Variants in MEI4 observed in about 807,000 individuals in gnomAD.
The protein encoded by MEI4 is meiosis-specific protein MEI4.
Under a neutral mutation model 31.4 loss-of-function variants are expected in MEI4, and 27 were observed. The observed-to-expected ratio is 0.86, with a 90% confidence interval of 0.63 to 1.19. The LOEUF (loss-of-function observed/expected upper bound fraction) is 1.19, where lower values mean the gene tolerates loss of function less well. MEI4 is among the 50% of genes most tolerant of loss of function. The probability of loss-of-function intolerance (pLI) is 0.00; values close to 1 mark genes in which losing one functional copy is unlikely to be tolerated. For synonymous variants in MEI4, 122 were observed against 145.4 expected (o/e 0.84, Z 1.16); for missense variants, 329 against 398.9 (o/e 0.82, Z 1.49).
intron 2 of MEI4, among the ~76,000 whole-genome samples, chr6:77,739,026 T>C (rs562392072): frequency 1.3e-5 from 2 of 152,238 alleles, no homozygotes; most frequent in East Asian, 3.9e-4. Flanking sequence ...TCTCCCATTC[T>C]GTCAGTTGCC....
intron 4 of MEI4, among the ~76,000 whole-genome samples, chr6:77,879,423 GT>G (rs1280737746): frequency 6.6e-6 from 1 of 152,180 alleles, no homozygotes; most frequent in Non-Finnish European, 1.5e-5. Flanking sequence ...CATGGATGGA[GT>G]TAAACCAAAT....
At chr6:77,677,657 T>A (rs187784500) in intron 1 of MEI4, among the ~76,000 whole-genome samples, 69 of 152,278 alleles carry the variant, frequency 4.5e-4, no homozygotes, top group Admixed American at 2.9e-3. Context: ...CCTCTCCACA[T>A]GTCCTCACCT....
chr6:77,866,445 C>T (rs1442422537), intron 4 of MEI4, among the ~76,000 whole-genome samples: 2 of 149,652 alleles, frequency 1.3e-5, no homozygotes, highest in Non-Finnish European at 3.0e-5. Context: ...AACAGACAAA[C>T]AGCCGAATCA....
intron 3 of MEI4, among the ~76,000 whole-genome samples, chr6:77,784,409 G>A (rs1268852465): frequency 1.3e-5 from 2 of 152,102 alleles, no homozygotes; most frequent in Non-Finnish European, 2.9e-5. Context: ...AGCTGTTTCG[G>A]CAAATGTTGG....
chr6:77,763,933 C>T (rs1298093701), intron 3 of MEI4, among the ~76,000 whole-genome samples: 2 of 152,136 alleles, frequency 1.3e-5, no homozygotes. Flanking sequence ...CCTGCCTCAG[C>T]CTCCCTAGTA....
At chr6:77,819,386 A>C (rs1322355232) in intron 3 of MEI4, among the ~76,000 whole-genome samples, 1 of 151,934 alleles carries the variant, frequency 6.6e-6, no homozygotes, top group East Asian at 1.9e-4. Flanking sequence ...TTTTATAGAG[A>C]TAATATTTTG....
chr6:77,666,959 A>G (rs1429512943), intron 1 of MEI4, among the ~76,000 whole-genome samples: 1 of 152,022 alleles, frequency 6.6e-6, no homozygotes, highest in Non-Finnish European at 1.5e-5. Context: ...CAAGATGTCC[A>G]CATGGTAGTT....
intron 3 of MEI4, among the ~76,000 whole-genome samples, chr6:77,769,313 G>T (rs1051069986): frequency 6.6e-6 from 1 of 152,140 alleles, no homozygotes. Flanking sequence ...TTTATACTAG[G>T]CCTGTCCAGA....
At chr6:77,660,170 G>A (rs893192278) in intron 1 of MEI4, among the ~76,000 whole-genome samples, 3 of 152,116 alleles carry the variant, frequency 2.0e-5, no homozygotes, top group Non-Finnish European at 4.4e-5. Flanking sequence ...AAAGGGAAAT[G>A]CAAAGCCAGC....
At chr6:77,792,218 A>T (rs144745457) in intron 3 of MEI4, among the ~76,000 whole-genome samples, 1 of 152,258 alleles carries the variant, frequency 6.6e-6, no homozygotes, top group African/African-American at 2.4e-5. Context: ...AATTAAGTTG[A>T]TTCCATCTTT....
chr6:77,819,504 C>T (rs921774538), intron 3 of MEI4, among the ~76,000 whole-genome samples: 1 of 151,868 alleles, frequency 6.6e-6, no homozygotes, highest in Middle Eastern at 3.2e-3. Flanking sequence ...AAAAAATATC[C>T]CTAATTTACT....
Position 77,792,899 on chromosome 6 carries a change from A to C in MEI4, c.768+31234A>C, listed in dbSNP as rs188734859. On this transcript the variant is annotated intron_variant, in intron 3 of 4. Transcript: ENST00000684080. ...GGCTAATGTTTTGTATTTTTAGTAGAGACAGGGTTTCACCATGTTAGCCAG... is the reference window on the plus strand; with the variant it reads ...GGCTAATGTTTTGTATTTTTAGTAGCGACAGGGTTTCACCATGTTAGCCAG... Among the ~76,000 whole-genome samples the C allele has an allele frequency of 4.6e-3, 705 of 151,878 alleles. 5 individuals carry two copies. The highest frequency in any genetic ancestry group is 0.017 in the African/African-American group (690 of 41,398).
intron 4 of MEI4, among the ~76,000 whole-genome samples, chr6:77,914,801 G>A (rs962705464): frequency 2.0e-5 from 3 of 152,026 alleles, no homozygotes; most frequent in African/African-American, 7.2e-5. Context: ...TCTTCGTGGT[G>A]TATTGTACTT....
At chr6:77,697,462 TTG>T (rs1174680180) in intron 2 of MEI4, among the ~76,000 whole-genome samples, 2 of 152,220 alleles carry the variant, frequency 1.3e-5, no homozygotes, top group African/African-American at 2.4e-5. Context: ...TTCTGGTATG[TTG>T]TGTCTTTGTT....
At chr6:77,813,501 T>C (rs575230934) in intron 3 of MEI4, among the ~76,000 whole-genome samples, 1 of 120,782 alleles carries the variant, frequency 8.3e-6, no homozygotes, top group East Asian at 3.6e-4. Context: ...TTCAGGACAT[T>C]CTTTTTTTTT....
intron 4 of MEI4, among the ~76,000 whole-genome samples, chr6:77,867,448 C>G (rs973004120): frequency 6.6e-6 from 1 of 152,060 alleles, no homozygotes; most frequent in Admixed American, 6.6e-5. Flanking sequence ...TTTATGTAGC[C>G]AAAAGATACA....
intron 2 of MEI4, among the ~76,000 whole-genome samples, chr6:77,706,617 C>T (rs1006590665): frequency 1.2e-4 from 18 of 152,212 alleles, no homozygotes; most frequent in African/African-American, 4.1e-4. Flanking sequence ...AAAATGTGAT[C>T]TTCAATGTTG....
chr6:77,862,158 G>C lies in MEI4; in HGVS notation c.900+33096G>C, dbSNP rs80093357. On this transcript the variant is annotated intron_variant, in intron 4 of 4. Transcript: ENST00000684080. ...AACGTGAGTGACGAAGAAGACAGGT[G>C]ATTTCTGCATTTCCAACTGAGGTAC... Among the ~76,000 whole-genome samples, 1,388 of 152,234 alleles carry C rather than the reference G, an allele frequency of 9.1e-3. 17 individuals carry two copies. The highest frequency in any genetic ancestry group is 0.031 in the African/African-American group (1,284 of 41,538).
At chr6:77,872,677 C>G (rs1771224679) in intron 4 of MEI4, among the ~76,000 whole-genome samples, 2 of 147,652 alleles carry the variant, frequency 1.4e-5, no homozygotes, top group Admixed American at 1.4e-4. Flanking sequence ...TGTGCTGCAC[C>G]CATTAACTCG....
Sources: gnomAD v4.1 joint callset for allele counts (sites outside exome capture counted in the v4.1 genomes callset) on GRCh38, gnomAD v4.1.1 for gene constraint, MANE v1.5 for transcripts, NCBI Gene and HGNC (gene_info 2026-07-23, HGNC 2026-07-21) for gene names.